CD36: variants seen among roughly 807,000 people sequenced by gnomAD.
CD36 encodes the protein CD36 molecule (CD36 blood group), also known as platelet glycoprotein 4.
CD36 carries 119 observed loss-of-function variants against 55.2 expected under a neutral mutation model. The observed-to-expected ratio is 2.15, with a 90% CI of 1.86 to 2.51. The LOEUF (loss-of-function observed/expected upper bound fraction) is 2.51, where lower values mean the gene tolerates loss of function less well. Among genes scored for constraint, CD36 ranks in the 30% most tolerant of loss-of-function variants. The pLI is 0.00. For missense variants in CD36, 819 were observed against 555.5 expected (o/e 1.47, Z -4.77); for synonymous variants, 186 against 193.6 (o/e 0.96, Z 0.33).
chr7:80,611,628 G>A (rs187467704), intron 1 of CD36, among the ~76,000 whole-genome samples: 10 of 152,284 alleles, frequency 6.6e-5, no homozygotes, highest in East Asian at 5.8e-4. Flanking sequence ...ACAGTGACCC[G>A]GTAAGAAGAT....
In CD36 at chr7:80,646,633, G is replaced by A. The variant is rs563780469; in HGVS notation, c.-89-19G>A. 180 of 1,317,960 alleles carry A rather than the reference G, an allele frequency of 1.4e-4. 4 individuals carry two copies. In the South Asian group the frequency reaches 1.9e-3, roughly 14 times the overall value. 81.6% of individuals were successfully genotyped at this position (1,317,960 alleles called of 1,614,324 possible). On this transcript the variant is annotated intron_variant, in intron 2 of 14. Coordinates refer to ENST00000447544, the MANE Select transcript of CD36 (RefSeq NM_001001548.3). ...ACTGATATTTAAGCTTCTGTTTTAT[G>A]ATCTCTTTCTAATGATAGAACCAGA...
At chr7:80,674,725 A>T (rs1233067716) in intron 14 of CD36, among the ~76,000 whole-genome samples, 1 of 152,020 alleles carries the variant, frequency 6.6e-6, no homozygotes, top group African/African-American at 2.4e-5. Context: ...ACCTTTCCTA[A>T]AGGAAAACCT....
chr7:80,674,485 C>A, intron 14 of CD36: 1 of 260,268 alleles, frequency 3.8e-6, no homozygotes, highest in South Asian at 4.3e-5. Context: ...AAATAATTGA[C>A]TAGGAAATGG....
chr7:80,672,371 G>A (rs1333435579), intron 11 of CD36, among the ~76,000 whole-genome samples: 1 of 151,558 alleles, frequency 6.6e-6, no homozygotes, highest in East Asian at 1.9e-4. Flanking sequence ...CTTTATTTTT[G>A]TATTTTCCTT....
chr7:80,650,286 T>G (rs553997005), intron 3 of CD36, among the ~76,000 whole-genome samples: 39 of 152,252 alleles, frequency 2.6e-4, no homozygotes, highest in African/African-American at 9.1e-4. Flanking sequence ...TGCTCTCAGA[T>G]TCCTACACAA....
chr7:80,655,409 T>C (rs1450249449), intron 3 of CD36, among the ~76,000 whole-genome samples: 1 of 152,176 alleles, frequency 6.6e-6, no homozygotes, highest in Non-Finnish European at 1.5e-5. Flanking sequence ...TTGATGACTC[T>C]CCACCCAGTC....
chr7:80,660,619 C>T (rs916079524), intron 4 of CD36, among the ~76,000 whole-genome samples: 12 of 152,182 alleles, frequency 7.9e-5, no homozygotes, highest in African/African-American at 2.9e-4. Flanking sequence ...TGTAATCCAA[C>T]CACACTCAAA....
chr7:80,630,441 C>G (rs900773764), intron 1 of CD36, among the ~76,000 whole-genome samples: 8 of 151,722 alleles, frequency 5.3e-5, no homozygotes, highest in Non-Finnish European at 1.2e-4. Flanking sequence ...AATGAGATGT[C>G]AAATAGCCAA....
At chr7:80,631,287 A>G (rs1794060154) in intron 1 of CD36, among the ~76,000 whole-genome samples, 1 of 152,040 alleles carries the variant, frequency 6.6e-6, no homozygotes, top group Non-Finnish European at 1.5e-5. Context: ...AGGATGATAG[A>G]CACTTTCATA....
chr7:80,637,195 G>C (rs577007981), upstream of CD36, among the ~76,000 whole-genome samples: 4 of 152,140 alleles, frequency 2.6e-5, no homozygotes, highest in African/African-American at 9.6e-5. Flanking sequence ...GTGTGAGTGT[G>C]TGAGAATTAA....
rs1369781790 is a variant in CD36, at chr7:80,656,674, TAAGCAAAGA to T, written c.256_264del (p.Lys86_Arg88del). The T allele has an allele frequency of 5.6e-6, 9 of 1,613,638 alleles. No individual in the cohort carries two copies. In the African/African-American group the frequency reaches 1.2e-4, roughly 22 times the overall value. The stretch of plus-strand genomic sequence containing the variant: ...TGATGAACAGCAGCAACATTCAAGT[TAAGCAAAGA>T]GGTCCTTATACGTACAGGTGAGTGA... On this transcript the variant is annotated inframe_deletion, in exon 4 of 15. Transcript: ENST00000447544.
intron 1 of CD36, among the ~76,000 whole-genome samples, chr7:80,626,393 C>G (rs1793737215): frequency 6.6e-6 from 1 of 152,010 alleles, no homozygotes; most frequent in African/African-American, 2.4e-5. Context: ...TTTTAGATTT[C>G]CAATTTACAC....
intron 1 of CD36, among the ~76,000 whole-genome samples, chr7:80,629,264 A>T (rs2116055905): frequency 6.6e-6 from 1 of 152,082 alleles, no homozygotes; most frequent in East Asian, 1.9e-4. Context: ...AGGTTGTAAG[A>T]GGGCCTCCAG....
At position 80,608,012 on chromosome 7, in the gene CD36, C is replaced by T. The variant is rs1037134013; in HGVS notation, c.-184+5633C>T. Among the ~76,000 whole-genome samples the T allele has an allele frequency of 3.3e-5, 5 of 152,106 alleles. No homozygotes were observed. In the East Asian group the frequency reaches 5.8e-4, roughly 18 times the overall value. On this transcript the variant is annotated intron_variant, in intron 1 of 13. Transcript: ENST00000309881. ...GTCTGCATCTCCTGACCTCGTGATC[C>T]GCCCGCCTCGGCCTCTCAAAGTGCT...
chr7:80,646,052 T>G (rs891634610), intron 1 of CD36, 36 bp from the exon 2 acceptor site: 8 of 151,864 alleles, frequency 5.3e-5, no homozygotes, highest in African/African-American at 1.9e-4. Context: ...TCTGAGAATT[T>G]TTTTCTATTT....
chr7:80,623,263 AACTCTCATATAT>A (rs879477756), intron 1 of CD36, among the ~76,000 whole-genome samples: 24 of 152,250 alleles, frequency 1.6e-4, no homozygotes, highest in South Asian at 1.2e-3. Flanking sequence ...AAAAATACCA[AACTCTCATATAT>A]ACACAATAAT....
intron 13 of CD36, chr7:80,673,745 T>C (rs1212188707): frequency 1.4e-5 from 8 of 577,844 alleles, no homozygotes; most frequent in South Asian, 1.3e-4. Flanking sequence ...CAAATGAAAC[T>C]GTTGACCCTT....
intron 12 of CD36, 96 bp downstream of exon 12, chr7:80,672,939 A>G (rs1399662873): frequency 2.5e-6 from 2 of 787,354 alleles, no homozygotes; most frequent in Admixed American, 2.0e-5. Context: ...AAGTGGAAAT[A>G]ACATCTGATA....
chr7:80,672,176 C>T (rs1158206328), intron 11 of CD36, 136 bp downstream of exon 11: 7 of 726,256 alleles, frequency 9.6e-6, no homozygotes, highest in Admixed American at 5.0e-5. Context: ...GTTACTGAAA[C>T]TTAGGTCGAT....
Sources: gnomAD v4.1 joint callset for allele counts (sites outside exome capture counted in the v4.1 genomes callset) on GRCh38, gnomAD v4.1.1 for gene constraint, MANE v1.5 for transcripts, NCBI Gene and HGNC (gene_info 2026-07-23, HGNC 2026-07-21) for gene names.